Variants in PPP2R5C observed in about 807,000 individuals in gnomAD.
PPP2R5C encodes the protein protein phosphatase 2 regulatory subunit B'gamma, also known as serine/threonine-protein phosphatase 2A 56 kDa regulatory subunit gamma isoform.
In PPP2R5C, 7 loss-of-function variants were observed where a neutral mutation model predicts 68.9. The ratio of observed to expected loss-of-function variants is 0.10; its 90% CI spans 0.06 to 0.19. The LOEUF is 0.19. PPP2R5C is among the 10% of genes least tolerant of loss of function. PPP2R5C has a pLI of 1.00. For synonymous variants in PPP2R5C, 210 were observed against 222.2 expected, an observed-to-expected ratio of 0.95 and a Z score of 0.49; for missense variants, 348 against 641.3, an observed-to-expected ratio of 0.54 and a Z score of 4.94.
intron 1 of PPP2R5C, chr14:101,820,351 G>T (rs2039973942): frequency 2.0e-5 from 3 of 152,158 alleles, no homozygotes; most frequent in Admixed American, 1.3e-4. Flanking sequence ...TTAGCAAGTG[G>T]GGTTTCTTGA....
rs1296163531 is a variant in PPP2R5C, at chr14:101,869,725, G to C, written c.295-12436G>C. On this transcript the variant is annotated intron_variant, in intron 2 of 13. Coordinates refer to ENST00000334743, the Ensembl canonical transcript of PPP2R5C. The stretch of plus-strand genomic sequence containing the variant: ...GCTGGAGTGCAGTGGCTCAATCATG[G>C]CTCACTGCAGCCTCCACCTCCCAGG... Among the ~76,000 whole-genome samples, 8 of 152,100 alleles carry C rather than the reference G, an allele frequency of 5.3e-5. No individual in the cohort carries two copies. The East Asian group carries it at 1.5e-3, about 29-fold the overall frequency.
intron 1 of PPP2R5C, among the ~76,000 whole-genome samples, chr14:101,762,495 C>CT (rs2036605017): frequency 1.3e-5 from 2 of 151,812 alleles, no homozygotes; most frequent in Non-Finnish European, 2.9e-5. Context: ...AGCAAGGGTG[C>CT]TGCGTTTGCA....
intron 1 of PPP2R5C, among the ~76,000 whole-genome samples, chr14:101,849,567 G>A (rs2042026328): frequency 7.9e-6 from 1 of 125,830 alleles, no homozygotes. Flanking sequence ...TATATATTCT[G>A]GATATGAGTC....
chr14:101,760,897 T>TCGAGGGGAAGGGCTGGC (rs1373217262), upstream of PPP2R5C, among the ~76,000 whole-genome samples: 2 of 50,646 alleles, frequency 3.9e-5, no homozygotes, highest in East Asian at 6.1e-4. Context: ...GAGGGGTTGG[T>TCGAGGGGAAGGGCTGGC]CGAGGGGAAG....
chr14:101,810,039 A>C (rs1190974557), intron 1 of PPP2R5C: 2 of 1,612,944 alleles, frequency 1.2e-6, no homozygotes, highest in South Asian at 2.2e-5. Context: ...TATTCGAGGT[A>C]AGTTATTGTG....
chr14:101,854,720 CT>C lies in PPP2R5C; in HGVS notation c.95-1965del, dbSNP rs2042323588. Among the ~76,000 whole-genome samples the C allele has an allele frequency of 2.0e-5, 3 of 152,334 alleles. No homozygotes were observed. In the South Asian group the frequency reaches 6.2e-4, roughly 32 times the overall value. The stretch of plus-strand genomic sequence containing the variant: ...AGGGCCCCAGTGCTCCTAAAAAACT[CT>C]GCAGGACGTGAAAGAGCACTCTTTA... On this transcript the variant is annotated intron_variant, in intron 1 of 13. Coordinates refer to ENST00000334743, the Ensembl canonical transcript of PPP2R5C.
intron 2 of PPP2R5C, among the ~76,000 whole-genome samples, chr14:101,867,362 T>G (rs1172216565): frequency 6.6e-6 from 1 of 152,116 alleles, no homozygotes; most frequent in African/African-American, 2.4e-5. Context: ...TGAGGTATGA[T>G]TGTGCCACTG....
chr14:101,920,320 G>A (rs4900520), intron 13 of PPP2R5C, among the ~76,000 whole-genome samples: 29,785 of 152,182 alleles, frequency 0.2, 4,719 homozygotes, highest in African/African-American at 0.43. Context: ...CCTCCTGGGA[G>A]GGTTACCTTA....
chr14:101,898,814 T>A (rs2045512102), intron 8 of PPP2R5C, among the ~76,000 whole-genome samples: 1 of 152,202 alleles, frequency 6.6e-6, no homozygotes, highest in African/African-American at 2.4e-5. Context: ...GTCAGTAAAT[T>A]CCCTCTTTTG....
rs1242282616 is a variant in PPP2R5C at position 101,899,259 on chromosome 14, A to G, written c.853-2460A>G. ...CTTCAGTCTCATCACATTTTACTACATGGCATAGTAGCGGCTCTCCTTTCT... is the reference window on the plus strand; with the variant it reads ...CTTCAGTCTCATCACATTTTACTACGTGGCATAGTAGCGGCTCTCCTTTCT... On this transcript the variant is annotated intron_variant, in intron 8 of 13. Transcript: ENST00000334743. This position sits in a 1 kb window ranked among gnomAD's most constrained non-coding sequence, Gnocchi z 4.2. Among the ~76,000 whole-genome samples the G allele has an allele frequency of 6.6e-6, 1 of 152,256 alleles. No homozygotes were observed. Among genetic ancestry groups the G allele is most frequent in the African/African-American group, 2.4e-5 (1 of 41,472 alleles).
chr14:101,877,824 G>GT lies in PPP2R5C; in HGVS notation c.295-4330dup, dbSNP rs971354271. On this transcript the variant is annotated intron_variant, in intron 2 of 13. Transcript: ENST00000334743. This position sits in a 1 kb window ranked among gnomAD's most constrained non-coding sequence, Gnocchi z 4.2. ...AGGTGTGTAGAAGTTAGGAGTGCAA[G>GT]TTTTTTTCCTTACACATGAGAAATG... Among the ~76,000 whole-genome samples the GT allele has an allele frequency of 2.0e-5, 3 of 152,190 alleles. No homozygotes were observed. Among genetic ancestry groups the GT allele is most frequent in the Admixed American group, 6.5e-5 (1 of 15,274 alleles).
chr14:101,815,873 A>G (rs376263502), intron 1 of PPP2R5C, among the ~76,000 whole-genome samples: 3 of 152,158 alleles, frequency 2.0e-5, no homozygotes, highest in South Asian at 2.1e-4. Context: ...TTTCACCGTG[A>G]TGGCCAGGCT....
chr14:101,876,690 G>C (rs927223702), intron 2 of PPP2R5C, among the ~76,000 whole-genome samples: 3 of 152,218 alleles, frequency 2.0e-5, no homozygotes, highest in Non-Finnish European at 2.9e-5. Flanking sequence ...GCAGAAGCAG[G>C]TGCTTCCTGA....
At chr14:101,895,325 A>G (rs1003196870) in intron 8 of PPP2R5C, among the ~76,000 whole-genome samples, 6 of 152,202 alleles carry the variant, frequency 3.9e-5, no homozygotes, top group African/African-American at 1.2e-4. Flanking sequence ...GGTAAAATAC[A>G]TATAACATAA....
intron 2 of PPP2R5C, among the ~76,000 whole-genome samples, chr14:101,775,583 T>C (rs1317603492): frequency 6.6e-6 from 1 of 152,188 alleles, no homozygotes; most frequent in Non-Finnish European, 1.5e-5. Context: ...GCATCTTGTT[T>C]CCTCTACCTG....
At chr14:101,790,088 T>A (rs61994024) in intron 3 of PPP2R5C, among the ~76,000 whole-genome samples, 12,553 of 151,626 alleles carry the variant, frequency 0.083, 578 homozygotes, top group Middle Eastern at 0.14. Context: ...ATGTCTTTTA[T>A]TTTAACCTTT....
At position 101,797,616 on chromosome 14, in the gene PPP2R5C, C is replaced by G; in HGVS notation, c.259+11433C>G. On this transcript the variant is annotated intron_variant, in intron 3 of 14. Transcript: ENST00000328724. The surrounding 1 kb of genome is among the most constrained non-coding windows in gnomAD (Gnocchi z 4.2). ...GATTTCCTCTTGGAAAATGAGGCTCCTGACTCACTTGACCTACTGCGTAGG... is the reference window on the plus strand; with the variant it reads ...GATTTCCTCTTGGAAAATGAGGCTCGTGACTCACTTGACCTACTGCGTAGG... 1 of 241,614 alleles carries G rather than the reference C, an allele frequency of 4.1e-6. No homozygotes were observed. Among genetic ancestry groups the G allele is most frequent in the South Asian group, 4.9e-5 (1 of 20,544 alleles). The allele number at this position is 241,614 out of a possible 1,614,324, so 15.0% of individuals were successfully genotyped here.
rs555534064 is a variant in PPP2R5C, at chr14:101,888,067, C to T, written c.630-2170C>T. ...AAAAAATTAGAAATTAAGAATTTAT[C>T]AGTAAGAATGTAGTAATGTTGATTT... On this transcript the variant is annotated intron_variant, in intron 5 of 13. Transcript: ENST00000334743. This position sits in a 1 kb window ranked among gnomAD's most constrained non-coding sequence, Gnocchi z 5.6. Among the ~76,000 whole-genome samples, 1 of 152,264 alleles carries T rather than the reference C, an allele frequency of 6.6e-6. No homozygotes were observed. The highest frequency in any genetic ancestry group is 1.9e-4 in the East Asian group (1 of 5,184).
intron 8 of PPP2R5C, 59 bp downstream of exon 10, chr14:101,894,619 TACA>T (rs1255910022): frequency 6.7e-7 from 1 of 1,490,814 alleles, no homozygotes; most frequent in Non-Finnish European, 9.3e-7. Flanking sequence ...ATGTAAATAT[TACA>T]ACATCTGCTT....
Sources: gnomAD v4.1 joint callset for allele counts (sites outside exome capture counted in the v4.1 genomes callset) on GRCh38, gnomAD v4.1.1 for gene constraint, Gnocchi (gnomAD v3.1) non-coding constraint, MANE v1.5 for transcripts, NCBI Gene and HGNC (gene_info 2026-07-23, HGNC 2026-07-21) for gene names.